The following ANK3 variants were observed in gnomAD, a reference collection of about 807,000 sequenced individuals.
ANK3 encodes the protein ankyrin 3.
In ANK3, 57 loss-of-function variants were observed where a neutral mutation model predicts 370.9. The observed-to-expected ratio is 0.15, with a 90% CI of 0.12 to 0.19. The LOEUF (loss-of-function observed/expected upper bound fraction) is 0.19. Among genes scored for constraint, ANK3 ranks in the 10% least tolerant of loss-of-function variants. ANK3 has a pLI of 1.00. For missense variants in ANK3, 4,439 were observed against 5,302.1 expected, an observed-to-expected ratio of 0.84 and a Z score of 5.06; for synonymous variants, 1,929 against 1,946.3, an observed-to-expected ratio of 0.99 and a Z score of 0.23.
chr10:60,398,208 C>G (rs901652521), intron 2 of ANK3, among the ~76,000 whole-genome samples: 8 of 152,126 alleles, frequency 5.3e-5, no homozygotes, highest in Non-Finnish European at 1.0e-4. Flanking sequence ...TCAGGTGTCA[C>G]CAAATATACT....
chr10:60,220,706 G>A (rs2097033119), intron 8 of ANK3, among the ~76,000 whole-genome samples: 1 of 152,120 alleles, frequency 6.6e-6, no homozygotes, highest in South Asian at 2.1e-4. Context: ...TCTTGCATGT[G>A]TTGACTGATG....
intron 2 of ANK3, among the ~76,000 whole-genome samples, chr10:60,429,185 C>T (rs563002845): frequency 1.1e-4 from 17 of 152,278 alleles, no homozygotes; most frequent in African/African-American, 3.8e-4. Flanking sequence ...GATGCTGAAT[C>T]TCTGTAATCC....
At chr10:60,457,256 T>C (rs755206371) in intron 2 of ANK3, among the ~76,000 whole-genome samples, 1 of 152,128 alleles carries the variant, frequency 6.6e-6, no homozygotes, top group Non-Finnish European at 1.5e-5. Context: ...ATGATGGGTA[T>C]GGTAATTGAA....
intron 1 of ANK3, among the ~76,000 whole-genome samples, chr10:60,335,966 C>T (rs1419178901): frequency 6.6e-6 from 1 of 152,042 alleles, no homozygotes; most frequent in African/African-American, 2.4e-5. Flanking sequence ...TTTTAAGGAG[C>T]AATAACCGTA....
intron 2 of ANK3, among the ~76,000 whole-genome samples, chr10:60,481,076 C>A (rs1245798383): frequency 1.3e-5 from 2 of 152,170 alleles, no homozygotes; most frequent in Non-Finnish European, 2.9e-5. Flanking sequence ...TCTTGTGAAT[C>A]TCTGACTGAG....
At chr10:60,376,627 A>C (rs1355662318) in intron 1 of ANK3, among the ~76,000 whole-genome samples, 1 of 152,212 alleles carries the variant, frequency 6.6e-6, no homozygotes, top group Non-Finnish European at 1.5e-5. Flanking sequence ...ACTGGGCAGG[A>C]CTGGAAAATC....
intron 1 of ANK3, among the ~76,000 whole-genome samples, chr10:60,659,701 G>C (rs2078911120): frequency 6.6e-6 from 1 of 152,022 alleles, no homozygotes; most frequent in Admixed American, 6.6e-5. Flanking sequence ...GGAAAAGACT[G>C]CCCCTTGCTT....
chr10:60,051,785 ATGTGTG>A lies in ANK3; in HGVS notation c.13065+3867_13065+3872del, dbSNP rs5785428. ...GATTCTAAGTGAAATTACTCTGTGC[ATGTGTG>A]TGTGTGTGTGTGTGTACAGGTAAAG... On this transcript the variant is annotated intron_variant, in intron 42 of 43. Coordinates refer to ENST00000280772, the MANE Select transcript of ANK3 (RefSeq NM_020987.5). Among the ~76,000 whole-genome samples, 11 of 148,268 alleles carry A rather than the reference ATGTGTG, an allele frequency of 7.4e-5. No individual in the cohort carries two copies. In the South Asian group the frequency reaches 1.5e-3, roughly 20 times the overall value.
intron 16 of ANK3, among the ~76,000 whole-genome samples, chr10:60,187,371 G>T (rs1400671376): frequency 6.6e-6 from 1 of 151,974 alleles, no homozygotes; most frequent in African/African-American, 2.4e-5. Flanking sequence ...TAGCCAGGAT[G>T]GTCTCCATCT....
At chr10:60,146,804 T>C (rs1202987574) in intron 23 of ANK3, among the ~76,000 whole-genome samples, 1 of 152,176 alleles carries the variant, frequency 6.6e-6, no homozygotes, top group Non-Finnish European at 1.5e-5. Flanking sequence ...ATTCAACATT[T>C]AGACGATAAA....
Position 60,709,241 on chromosome 10 carries a change from T to C in ANK3, c.57+24022A>G, listed in dbSNP as rs562562010. ...AGTGATGAATACACTAAGGGCTCTG[T>C]ATTAGACTTCTCCAGAGAAACAGAA... On this transcript the variant is annotated intron_variant, in intron 1 of 43. Coordinates refer to the ANK3 transcript ENST00000373827. Among the ~76,000 whole-genome samples the C allele has an allele frequency of 2.6e-5, 4 of 152,276 alleles. No individual in the cohort carries two copies. The South Asian group carries it at 6.2e-4, about 24-fold the overall frequency.
intron 7 of ANK3, among the ~76,000 whole-genome samples, chr10:60,251,539 C>G (rs1392645226): frequency 6.6e-6 from 1 of 152,192 alleles, no homozygotes; most frequent in South Asian, 2.1e-4. Context: ...ACTGTGACAA[C>G]CAAAAATTCC....
intron 1 of ANK3, among the ~76,000 whole-genome samples, chr10:60,713,105 G>C (rs2079732966): frequency 6.6e-6 from 1 of 152,170 alleles, no homozygotes; most frequent in African/African-American, 2.4e-5. Flanking sequence ...TTAAGCAACT[G>C]CACCTAGTTG....
intron 23 of ANK3, among the ~76,000 whole-genome samples, chr10:60,154,135 A>C (rs922926802): frequency 6.6e-6 from 1 of 152,220 alleles, no homozygotes; most frequent in Admixed American, 6.5e-5. Flanking sequence ...TGAAAGGCCA[A>C]TTGTAAGCAG....
intron 1 of ANK3, among the ~76,000 whole-genome samples, chr10:60,623,193 G>A (rs2078361611): frequency 6.6e-6 from 1 of 152,136 alleles, no homozygotes. Context: ...ATATGAAGAG[G>A]AATAAGGTAC....
At position 60,072,368 on chromosome 10, in the gene ANK3, G is replaced by T. The variant is rs1272325293; in HGVS notation, c.8513C>A (p.Thr2838Asn). 16 of 1,613,956 alleles carry T rather than the reference G, an allele frequency of 9.9e-6. No individual in the cohort carries two copies. The highest frequency in any genetic ancestry group is 1.1e-5 in the South Asian group (1 of 91,038). ...TGGTCCCCTAGTTGCTAAATCTGAG[G>T]TTATATGACATGCCAAGTCTTTAGC... ...QQAKDLACHI[T>N]SDLATRGPWD... Residue 2838 changes from threonine to asparagine, a missense_variant, in exon 37 of 44, where the codon ACC becomes AAC. Transcript: ENST00000280772.
intron 43 of ANK3, among the ~76,000 whole-genome samples, chr10:60,035,352 G>C (rs200010299): frequency 2.6e-5 from 4 of 151,880 alleles, no homozygotes; most frequent in African/African-American, 7.3e-5. Flanking sequence ...AGGTTCAAGC[G>C]ATTCTCCTGC....
intron 8 of ANK3, among the ~76,000 whole-genome samples, chr10:60,215,291 TCTC>T (rs551480266): frequency 7.7e-4 from 118 of 152,320 alleles, no homozygotes; most frequent in Non-Finnish European, 1.3e-3. Flanking sequence ...GCAAAAATTT[TCTC>T]CTATCCTGTA....
At chr10:60,136,371 G>T (rs995861853) in intron 24 of ANK3, among the ~76,000 whole-genome samples, 11 of 152,060 alleles carry the variant, frequency 7.2e-5, no homozygotes, top group Non-Finnish European at 2.9e-5. Flanking sequence ...TATTAGTGCA[G>T]CTTCTAAGTA....
Sources: allele counts gnomAD v4.1 joint callset (sites outside exome capture counted in the v4.1 genomes callset), GRCh38; gene constraint gnomAD v4.1.1; transcripts MANE v1.5; gene names NCBI Gene and HGNC (gene_info 2026-07-23, HGNC 2026-07-21).